Variants in HSD17B12 observed in about 807,000 individuals in gnomAD.
HSD17B12 encodes the protein very-long-chain 3-oxoacyl-CoA reductase.
A neutral mutation model predicts 39.3 loss-of-function variants in HSD17B12; 32 were observed. That is an observed-to-expected ratio of 0.81 (90% confidence interval 0.61 to 1.09). HSD17B12 has a LOEUF of 1.09. Among genes scored for constraint, HSD17B12 ranks in the 50% least tolerant of loss-of-function variants. HSD17B12 has a pLI of 0.00. For missense variants in HSD17B12, 342 were observed against 382.9 expected (o/e 0.89, Z 0.89); for synonymous variants, 150 against 146.7 (o/e 1.02, Z -0.16).
chr11:43,755,810 A>G (rs1237036120), intron 3 of HSD17B12, among the ~76,000 whole-genome samples: 1 of 152,256 alleles, frequency 6.6e-6, no homozygotes, highest in Non-Finnish European at 1.5e-5. Context: ...ATCTTTAGAT[A>G]AAAAACAGAG....
chr11:43,742,720 GC>G (rs1036007158), intron 1 of HSD17B12, among the ~76,000 whole-genome samples: 1 of 151,576 alleles, frequency 6.6e-6, no homozygotes, highest in Admixed American at 6.6e-5. Context: ...TATAGAGATG[GC>G]TAAGAGAGGC....
intron 6 of HSD17B12, among the ~76,000 whole-genome samples, chr11:43,826,078 T>G: frequency 1.3e-5 from 1 of 75,610 alleles, no homozygotes. Flanking sequence ...AGTCTTTTTT[T>G]TTCTTTTTTT....
the HSD17B12 span, among the ~76,000 whole-genome samples, chr11:43,654,073 T>C: frequency 6.6e-6 from 1 of 152,074 alleles, no homozygotes; most frequent in African/African-American, 2.4e-5. Context: ...CCTGACTTTT[T>C]AATGATTGCC....
intron 3 of HSD17B12, chr11:43,754,844 A>C: frequency 1.3e-6 from 1 of 760,498 alleles, no homozygotes; most frequent in African/African-American, 1.7e-5. Flanking sequence ...CCCATGTGAC[A>C]GGGAAAATCT....
chr11:43,653,879 A>T, the HSD17B12 span, among the ~76,000 whole-genome samples: 1 of 152,192 alleles, frequency 6.6e-6, no homozygotes, highest in Non-Finnish European at 1.5e-5. Flanking sequence ...ATGTGTCTTT[A>T]TAGCAGCATG....
At chr11:43,744,818 T>C (rs1372504736) in intron 1 of HSD17B12, among the ~76,000 whole-genome samples, 1 of 152,212 alleles carries the variant, frequency 6.6e-6, no homozygotes, top group Non-Finnish European at 1.5e-5. Context: ...AATTGAACTA[T>C]GATGCAGGTA....
At chr11:43,724,732 A>G (rs762395968) in intron 1 of HSD17B12, among the ~76,000 whole-genome samples, 8 of 152,140 alleles carry the variant, frequency 5.3e-5, no homozygotes, top group Non-Finnish European at 8.8e-5. Context: ...TGCTAGTACC[A>G]TCACCTTGTG....
At chr11:43,774,255 C>T (rs765681980) in intron 3 of HSD17B12, among the ~76,000 whole-genome samples, 73 of 151,606 alleles carry the variant, frequency 4.8e-4, no homozygotes, top group Non-Finnish European at 9.0e-4. Flanking sequence ...CGCTCTGTCA[C>T]CCAGCTGGAG....
the HSD17B12 span, among the ~76,000 whole-genome samples, chr11:43,609,652 G>A: frequency 2.0e-5 from 3 of 152,094 alleles, no homozygotes; most frequent in Non-Finnish European, 4.4e-5. Flanking sequence ...TTAGAGACAT[G>A]AGCCACTGTG....
At chr11:43,788,678 C>T (rs1950838653) in intron 3 of HSD17B12, among the ~76,000 whole-genome samples, 1 of 128,122 alleles carries the variant, frequency 7.8e-6, no homozygotes, top group South Asian at 2.9e-4. Context: ...ACCGTCATTT[C>T]CTTCCTCAAA....
At chr11:43,603,138 A>G in the HSD17B12 span, among the ~76,000 whole-genome samples, 1 of 152,134 alleles carries the variant, frequency 6.6e-6, no homozygotes, top group Non-Finnish European at 1.5e-5. Context: ...ACCACTGCAT[A>G]TTGACTCCAT....
the HSD17B12 span, among the ~76,000 whole-genome samples, chr11:43,653,439 T>C: frequency 6.6e-6 from 1 of 152,142 alleles, no homozygotes; most frequent in Non-Finnish European, 1.5e-5. Flanking sequence ...TTAGGGTACA[T>C]GTGCACAACT....
chr11:43,816,883 G>C (rs747538457), intron 6 of HSD17B12, among the ~76,000 whole-genome samples: 1 of 151,778 alleles, frequency 6.6e-6, no homozygotes, highest in Non-Finnish European at 1.5e-5. Flanking sequence ...TTCCATTCCT[G>C]AGTTACGTCA....
intron 6 of HSD17B12, among the ~76,000 whole-genome samples, chr11:43,819,122 T>G (rs1951157743): frequency 6.6e-6 from 1 of 152,236 alleles, no homozygotes; most frequent in African/African-American, 2.4e-5. Flanking sequence ...TCTAGAATTG[T>G]TAATACTAAT....
chr11:43,690,551 T>C (rs1195664461), intron 1 of HSD17B12, among the ~76,000 whole-genome samples: 1 of 150,510 alleles, frequency 6.6e-6, no homozygotes, highest in Non-Finnish European at 1.5e-5. Context: ...CTTCCAGTCT[T>C]TTTAATATTA....
chr11:43,591,169 T>G, the HSD17B12 span, among the ~76,000 whole-genome samples: 1 of 152,212 alleles, frequency 6.6e-6, no homozygotes, highest in Non-Finnish European at 1.5e-5. Context: ...GCACAGAAAC[T>G]GTCATTTATA....
At chr11:43,754,604 T>A (rs544711412) in intron 3 of HSD17B12, among the ~76,000 whole-genome samples, 12 of 152,248 alleles carry the variant, frequency 7.9e-5, no homozygotes, top group South Asian at 4.1e-4. Context: ...AAAAGTTTTT[T>A]AAAAATTGTT....
intron 1 of HSD17B12, among the ~76,000 whole-genome samples, chr11:43,741,588 T>C (rs1950364838): frequency 6.6e-6 from 1 of 152,132 alleles, no homozygotes; most frequent in Non-Finnish European, 1.5e-5. Flanking sequence ...TGAGATGTTA[T>C]ACTTTGGTTT....
rs138150408 is a variant in HSD17B12, at chr11:43,758,887, A to G, written c.283+4766A>G. 3.3e-5 allele frequency among the ~76,000 whole-genome samples: 5 copies of G among 152,280 alleles called. No homozygotes were observed. In the East Asian group the frequency reaches 7.7e-4, roughly 23 times the overall value. On this transcript the variant is annotated intron_variant, in intron 3 of 10. Coordinates refer to ENST00000278353, the MANE Select transcript of HSD17B12 (RefSeq NM_016142.3). ...ATGGATTGCTAGTATCCCATTTCCT[A>G]TTGGGAAGGGGCTTAACACTATGTC...
Sources: gnomAD v4.1 joint callset for allele counts (sites outside exome capture counted in the v4.1 genomes callset) on GRCh38, gnomAD v4.1.1 for gene constraint, MANE v1.5 for transcripts, NCBI Gene and HGNC (gene_info 2026-07-23, HGNC 2026-07-21) for gene names.